The following SDK1 variants were observed in gnomAD, a reference collection of about 807,000 sequenced individuals.
The protein encoded by SDK1 is sidekick cell adhesion molecule 1.
A neutral mutation model predicts 245.5 loss-of-function variants in SDK1; 157 were observed. That is an observed-to-expected ratio of 0.64 (90% CI 0.56 to 0.73). The LOEUF (loss-of-function observed/expected upper bound fraction) is 0.73, where lower values mean the gene tolerates loss of function less well. Among genes scored for constraint, SDK1 ranks in the 30% least tolerant of loss-of-function variants. SDK1 has a pLI of 0.00. For synonymous variants in SDK1, 1,647 were observed against 1,278.5 expected (o/e 1.29, Z -6.15); for missense variants, 3,583 against 3,002.3 (o/e 1.19, Z -4.52).
chr7:3,803,315 CTT>C (rs60469408), intron 4 of SDK1, among the ~76,000 whole-genome samples: 2 of 119,836 alleles, frequency 1.7e-5, no homozygotes, highest in Admixed American at 8.5e-5. Flanking sequence ...TTCTTTCTTT[CTT>C]TTTTTTTTTT....
intron 4 of SDK1, among the ~76,000 whole-genome samples, chr7:3,726,120 G>A (rs1043048250): frequency 2.6e-4 from 40 of 152,264 alleles, no homozygotes; most frequent in African/African-American, 9.4e-4. Flanking sequence ...CAGGAATTTC[G>A]ACTTTATAGA....
intron 8 of SDK1, 152 bp downstream of exon 8, chr7:3,959,166 CTG>C (rs1781484592): frequency 1.5e-6 from 1 of 664,810 alleles, no homozygotes. Flanking sequence ...GGGGCAGTGA[CTG>C]TGGGTAAGGC....
At chr7:3,367,254 G>C (rs1175815249) in intron 1 of SDK1, among the ~76,000 whole-genome samples, 1 of 151,936 alleles carries the variant, frequency 6.6e-6, no homozygotes, top group Non-Finnish European at 1.5e-5. Context: ...AATTTCATGT[G>C]ATCTGGATCT....
chr7:4,003,114 C>T (rs1219326584), intron 14 of SDK1, among the ~76,000 whole-genome samples: 4 of 152,248 alleles, frequency 2.6e-5, no homozygotes, highest in African/African-American at 9.6e-5. Flanking sequence ...GCTTTAACCC[C>T]AGCTCTCTGA....
chr7:3,501,883 A>AAT (rs1782226554), intron 1 of SDK1, among the ~76,000 whole-genome samples: 1 of 152,208 alleles, frequency 6.6e-6, no homozygotes, highest in Non-Finnish European at 1.5e-5. Context: ...GTTGATTTAC[A>AAT]GACATTTGGA....
At chr7:4,194,677 C>G (rs1168604521) in intron 35 of SDK1, among the ~76,000 whole-genome samples, 2 of 152,136 alleles carry the variant, frequency 1.3e-5, no homozygotes, top group African/African-American at 4.8e-5. Context: ...GCCAGTCTCA[C>G]TCATTTCACG....
intron 4 of SDK1, among the ~76,000 whole-genome samples, chr7:3,738,727 T>C (rs1779390463): frequency 6.6e-6 from 1 of 152,176 alleles, no homozygotes; most frequent in Admixed American, 6.5e-5. Context: ...GTAGTTTTCA[T>C]AGTATGAGTC....
At chr7:4,064,928 G>A (rs1364464161) in intron 19 of SDK1, among the ~76,000 whole-genome samples, 1 of 152,122 alleles carries the variant, frequency 6.6e-6, no homozygotes, top group African/African-American at 2.4e-5. Flanking sequence ...GGGTGGTGGG[G>A]AGAAAGAGAG....
At chr7:4,031,894 G>C (rs1433545410) in intron 17 of SDK1, among the ~76,000 whole-genome samples, 3 of 151,990 alleles carry the variant, frequency 2.0e-5, no homozygotes, top group Admixed American at 6.6e-5. Context: ...GGGCATGGTG[G>C]TGCACGCCTA....
intron 4 of SDK1, among the ~76,000 whole-genome samples, chr7:3,785,142 T>A (rs1478807374): frequency 6.6e-6 from 1 of 152,120 alleles, no homozygotes; most frequent in East Asian, 1.9e-4. Flanking sequence ...CATCTGTGAA[T>A]CTGAAACAAT....
At chr7:4,039,292 T>G (rs1562711172) in intron 17 of SDK1, among the ~76,000 whole-genome samples, 1 of 145,876 alleles carries the variant, frequency 6.9e-6, no homozygotes, top group East Asian at 1.9e-4. Flanking sequence ...CCGGAAAACT[T>G]AAAGTATAAT....
At chr7:4,182,407 G>A (rs186893806) in intron 35 of SDK1, among the ~76,000 whole-genome samples, 182 of 152,308 alleles carry the variant, frequency 1.2e-3, no homozygotes, top group African/African-American at 4.2e-3. Context: ...TTGCCCCAGG[G>A]GTATTGCCAG....
chr7:3,310,146 T>A (rs1779516375), intron 1 of SDK1, among the ~76,000 whole-genome samples: 1 of 152,208 alleles, frequency 6.6e-6, no homozygotes, highest in Admixed American at 6.5e-5. Flanking sequence ...CTGGATTCAC[T>A]GGAAATTGCT....
intron 4 of SDK1, among the ~76,000 whole-genome samples, chr7:3,768,391 TATC>T (rs1780315025): frequency 6.6e-6 from 1 of 152,224 alleles, no homozygotes; most frequent in African/African-American, 2.4e-5. Context: ...AATGTTGCAT[TATC>T]ATCTTGAACC....
chr7:3,721,283 A>C (rs1778785830), intron 4 of SDK1, among the ~76,000 whole-genome samples: 1 of 152,152 alleles, frequency 6.6e-6, no homozygotes, highest in Non-Finnish European at 1.5e-5. Context: ...TGTCATCTGA[A>C]TACTCTCTAT....
intron 4 of SDK1, among the ~76,000 whole-genome samples, chr7:3,650,009 G>T (rs1263351646): frequency 3.7e-5 from 3 of 80,624 alleles, no homozygotes; most frequent in African/African-American, 3.1e-5. Context: ...GCTATTTTTT[G>T]TTTTGAAAAA....
At chr7:3,923,642 A>C (rs1449459183) in intron 5 of SDK1, among the ~76,000 whole-genome samples, 1 of 152,232 alleles carries the variant, frequency 6.6e-6, no homozygotes, top group Non-Finnish European at 1.5e-5. Flanking sequence ...GTGCCATCAA[A>C]GTTTGGGAAG....
At chr7:3,679,699 G>T (rs1321796780) in intron 4 of SDK1, among the ~76,000 whole-genome samples, 2 of 152,224 alleles carry the variant, frequency 1.3e-5, no homozygotes, top group African/African-American at 2.4e-5. Context: ...AAACCACAAT[G>T]AGATTTCACT....
At chr7:3,694,624 A>T (rs75897059) in intron 4 of SDK1, among the ~76,000 whole-genome samples, 1 of 151,902 alleles carries the variant, frequency 6.6e-6, no homozygotes. Context: ...GATCCAGTGG[A>T]TGTTCTAAGA....
Sources: gnomAD v4.1 joint callset for allele counts (sites outside exome capture counted in the v4.1 genomes callset) on GRCh38, gnomAD v4.1.1 for gene constraint, MANE v1.5 for transcripts, NCBI Gene and HGNC (gene_info 2026-07-23, HGNC 2026-07-21) for gene names.